PDE2A: variants seen among roughly 807,000 people sequenced by gnomAD.
The protein encoded by PDE2A is phosphodiesterase 2A.
PDE2A carries 53 observed loss-of-function variants against 133.6 expected under a neutral mutation model. The observed-to-expected ratio is 0.40, with a 90% CI of 0.32 to 0.50. The LOEUF is 0.50. PDE2A is among the 20% of genes least tolerant of loss of function. PDE2A has a pLI of 0.73. For missense variants in PDE2A, 796 were observed against 1,232.4 expected (o/e 0.65, Z 5.30); for synonymous variants, 491 against 490.2 (o/e 1.00, Z -0.02).
intron 1 of PDE2A, among the ~76,000 whole-genome samples, chr11:72,647,481 C>T (rs1016110203): frequency 5.3e-5 from 8 of 152,222 alleles, no homozygotes; most frequent in African/African-American, 9.6e-5. Flanking sequence ...GATGGTCCTA[C>T]GCAGGCACCA....
At chr11:72,626,227 C>G (rs1858057503) in intron 2 of PDE2A, among the ~76,000 whole-genome samples, 1 of 152,246 alleles carries the variant, frequency 6.6e-6, no homozygotes, top group Non-Finnish European at 1.5e-5. Flanking sequence ...GCCCATCTCT[C>G]TCTTTACTCA....
intron 1 of PDE2A, among the ~76,000 whole-genome samples, chr11:72,647,141 A>T (rs1410335073): frequency 6.6e-6 from 1 of 152,070 alleles, no homozygotes; most frequent in Non-Finnish European, 1.5e-5. Flanking sequence ...CATCTCACAC[A>T]CTTGGTCCTG....
intron 1 of PDE2A, among the ~76,000 whole-genome samples, chr11:72,673,481 A>T (rs1334740177): frequency 1.3e-5 from 2 of 151,554 alleles, no homozygotes; most frequent in Non-Finnish European, 1.5e-5. Flanking sequence ...CCCCCCACTC[A>T]CTTGCACATG....
At chr11:72,612,844 G>T (rs907849) in intron 2 of PDE2A, among the ~76,000 whole-genome samples, 126,141 of 152,122 alleles carry the variant, frequency 0.83, 52,478 homozygotes, top group East Asian at 0.92. Context: ...CACGGACTTA[G>T]CTTTCATTCA....
Position 72,584,245 on chromosome 11 carries a change from G to A in PDE2A, c.1606C>T (p.Leu536=). The A allele has an allele frequency of 6.3e-7, 1 of 1,596,436 alleles. No homozygotes were observed. The highest frequency in any genetic ancestry group is 8.6e-7 in the Non-Finnish European group (1 of 1,169,586). ...GPWFSKFDED[L]ATAFSIYCGI... is the part of the protein sequence containing the mutation. ...CAGTAGATGGAGAAGGCCGTCGCCA[G>A]GTCCTCGTCGAACTTGCTGAACCAT... is the stretch of plus-strand genomic sequence containing the variant. The change falls in exon 19 of 31, where the codon CTG becomes TTG. Residue 536 remains leucine, a synonymous_variant. Coordinates refer to ENST00000334456, the MANE Select transcript of PDE2A (RefSeq NM_002599.5).
chr11:72,658,971 G>A (rs888284664), intron 1 of PDE2A, among the ~76,000 whole-genome samples: 9 of 152,112 alleles, frequency 5.9e-5, no homozygotes, highest in African/African-American at 2.2e-4. Context: ...GGGATTACAG[G>A]TGTGAGCCGC....
chr11:72,618,827 G>A (rs552968759), intron 2 of PDE2A, among the ~76,000 whole-genome samples: 1 of 152,184 alleles, frequency 6.6e-6, no homozygotes, highest in Admixed American at 6.5e-5. Flanking sequence ...CCGGTCAGTG[G>A]GGCCACAGGG....
chr11:72,584,994 C>G (rs777935113), intron 16 of PDE2A, 50 bp from the exon 17 acceptor site: 4 of 1,573,340 alleles, frequency 2.5e-6, no homozygotes, highest in African/African-American at 1.4e-5. Context: ...CCCCTCTGAT[C>G]GCCCTCACGT....
At chr11:72,610,640 A>C (rs1475350790) in intron 2 of PDE2A, among the ~76,000 whole-genome samples, 1 of 152,178 alleles carries the variant, frequency 6.6e-6, no homozygotes, top group African/African-American at 2.4e-5. Flanking sequence ...TATCTTGGTC[A>C]TGGGAAGATG....
intron 2 of PDE2A, among the ~76,000 whole-genome samples, chr11:72,634,916 G>T (rs564732781): frequency 1.3e-5 from 2 of 152,226 alleles, no homozygotes; most frequent in Non-Finnish European, 1.5e-5. Context: ...CGGGGCCCTC[G>T]AAGGCAGGGG....
chr11:72,665,032 C>T (rs1432537090), intron 1 of PDE2A, among the ~76,000 whole-genome samples: 1 of 151,434 alleles, frequency 6.6e-6, no homozygotes, highest in Non-Finnish European at 1.5e-5. Context: ...TCTTGAACTC[C>T]CAACCTCAGG....
At chr11:72,645,343 C>CAG (rs1019307560) in intron 1 of PDE2A, among the ~76,000 whole-genome samples, 7 of 152,190 alleles carry the variant, frequency 4.6e-5, no homozygotes, top group Non-Finnish European at 1.0e-4. Context: ...TGGTAGAGTG[C>CAG]AGAGCCCTTT....
intron 2 of PDE2A, among the ~76,000 whole-genome samples, chr11:72,634,844 G>C (rs980874639): frequency 3.2e-4 from 48 of 152,252 alleles, no homozygotes; most frequent in African/African-American, 1.2e-3. Flanking sequence ...CCTATACTGA[G>C]AGGGTGCTGA....
intron 14 of PDE2A, 148 bp from the exon 15 acceptor site, chr11:72,585,741 A>G (rs1855940468): frequency 2.8e-6 from 2 of 706,114 alleles, no homozygotes; most frequent in Admixed American, 4.6e-5. Context: ...TAATTATATC[A>G]TTTGGCTACT....
intron 2 of PDE2A, among the ~76,000 whole-genome samples, chr11:72,632,166 G>A (rs532025217): frequency 5.0e-4 from 76 of 152,270 alleles, no homozygotes; most frequent in African/African-American, 1.8e-3. Flanking sequence ...CCCTGCTGGT[G>A]TCCCCCTCTT....
rs772632335 is a variant in PDE2A at position 72,590,440 on chromosome 11, G to T, written c.690C>A (p.Ile230=). ...CCGGGCCCTCACCGCACAGTTGGAG[G>T]ATCTTGCGGTCGCGGTCGGTGTACG... ...GAAYTDRDRK[I]LQLCGELYDL... is the part of the protein sequence containing the mutation. The change falls in exon 8 of 31, where the codon ATC becomes ATA. Residue 230 remains isoleucine, a synonymous_variant. Coordinates refer to ENST00000334456, the MANE Select transcript of PDE2A (RefSeq NM_002599.5). The surrounding 1 kb of genome is among the most constrained non-coding windows in gnomAD (Gnocchi z 4.8). 1 of 1,559,190 alleles carries T rather than the reference G, an allele frequency of 6.4e-7. No homozygotes were observed. Among genetic ancestry groups the T allele is most frequent in the Non-Finnish European group, 8.7e-7 (1 of 1,152,948 alleles).
chr11:72,589,198 T>C lies in PDE2A; in HGVS notation c.916A>G (p.Ile306Val), dbSNP rs768257356. ...LGQVVEDKKS[I>V]QLKDLTSEDV... is the part of the protein sequence containing the mutation. The stretch of plus-strand genomic sequence containing the variant: ...ACGGAGGTGAGGTCCTTCAGCTGGA[T>C]GGACTTCTTGTCTTCCACCACCTGG... Residue 306 changes from isoleucine to valine, a missense_variant, in exon 12 of 31, where the codon ATC (isoleucine) becomes GTC (valine). Coordinates refer to ENST00000334456, the MANE Select transcript of PDE2A (RefSeq NM_002599.5). The C allele has an allele frequency of 1.2e-6, 2 of 1,613,844 alleles. No individual in the cohort carries two copies. The highest frequency in any genetic ancestry group is 4.5e-5 in the East Asian group (2 of 44,880).
At chr11:72,582,374 T>G in intron 21 of PDE2A, 70 bp downstream of exon 21, 1 of 1,465,582 alleles carries the variant, frequency 6.8e-7, no homozygotes, top group Non-Finnish European at 9.4e-7. Context: ...AAGTTCTTGA[T>G]GCGCATTTAA....
intron 1 of PDE2A, among the ~76,000 whole-genome samples, chr11:72,661,526 C>T (rs1855062673): frequency 6.6e-6 from 1 of 152,154 alleles, no homozygotes; most frequent in South Asian, 2.1e-4. Flanking sequence ...GGAAAACAGT[C>T]AGTGATGCCA....
Sources: gnomAD v4.1 joint callset for allele counts (sites outside exome capture counted in the v4.1 genomes callset) on GRCh38, gnomAD v4.1.1 for gene constraint, Gnocchi (gnomAD v3.1) non-coding constraint, MANE v1.5 for transcripts, NCBI Gene and HGNC (gene_info 2026-07-23, HGNC 2026-07-21) for gene names.